The following SDK1 variants were observed in gnomAD, a reference collection of about 807,000 sequenced individuals.
The protein encoded by SDK1 is sidekick cell adhesion molecule 1, also known as protein sidekick-1.
SDK1 carries 157 observed loss-of-function variants against 245.5 expected under a neutral mutation model. The ratio of observed to expected loss-of-function variants is 0.64; its 90% CI spans 0.56 to 0.73. SDK1 has a LOEUF of 0.73. Among genes scored for constraint, SDK1 ranks in the 30% least tolerant of loss-of-function variants. The pLI, the probability that SDK1 is intolerant of heterozygous loss-of-function variation, is 0.00. For synonymous variants in SDK1, 1,647 were observed against 1,278.5 expected (o/e 1.29, Z -6.15); for missense variants, 3,583 against 3,002.3 (o/e 1.19, Z -4.52).
chr7:3,751,545 C>T (rs1779772062), intron 4 of SDK1, among the ~76,000 whole-genome samples: 1 of 152,148 alleles, frequency 6.6e-6, no homozygotes, highest in South Asian at 2.1e-4. Flanking sequence ...GCCTGGCCAT[C>T]CCGTCATTGC....
chr7:3,544,005 T>C (rs1416489639), intron 1 of SDK1, among the ~76,000 whole-genome samples: 1 of 152,246 alleles, frequency 6.6e-6, no homozygotes, highest in African/African-American at 2.4e-5. Flanking sequence ...ACTGCTCAAC[T>C]GAATTCCTTC....
chr7:3,787,610 T>A (rs780768698), intron 4 of SDK1, among the ~76,000 whole-genome samples: 2 of 152,214 alleles, frequency 1.3e-5, no homozygotes, highest in Admixed American at 6.5e-5. Flanking sequence ...AAATACGAAG[T>A]ATCATTCCTC....
intron 1 of SDK1, among the ~76,000 whole-genome samples, chr7:3,460,505 T>A (rs909356549): frequency 6.6e-6 from 1 of 152,212 alleles, no homozygotes; most frequent in South Asian, 2.1e-4. Context: ...AAATGTACTT[T>A]TAGAAGGGAA....
In SDK1 at chr7:4,266,557, T is replaced by A; in HGVS notation, c.*1173T>A. 1.0e-6 allele frequency: 1 copy of A among 955,426 alleles called. No homozygotes were observed. Among genetic ancestry groups the A allele is most frequent in the Non-Finnish European group, 1.2e-6 (1 of 819,462 alleles). The allele number at this position is 955,426 out of a possible 1,614,324, so 59.2% of individuals were successfully genotyped here. On this transcript the variant is annotated 3_prime_UTR_variant, in exon 45 of 45. Transcript: ENST00000404826. ...GAGGCCAGCTTTTAGCCTTAACAGGTTTTTTGGAAATGTTTCTTTTTTTTA... is the reference window on the plus strand; with the variant it reads ...GAGGCCAGCTTTTAGCCTTAACAGGATTTTTGGAAATGTTTCTTTTTTTTA...
intron 1 of SDK1, among the ~76,000 whole-genome samples, chr7:3,424,526 CTT>C (rs373708022): frequency 7.9e-5 from 12 of 152,266 alleles, no homozygotes; most frequent in Non-Finnish European, 1.0e-4. Flanking sequence ...AGATATGTCT[CTT>C]ATGAATCTTG....
rs778564851 is a variant in SDK1, at chr7:4,132,356, C to A, written c.4161C>A (p.Pro1387=). ...GCCCACCAGTGAGGCTCGTGTTCCCCGAAGTGAGACTCACCTCCGTGCGGA... is the reference window on the plus strand; with the variant it reads ...GCCCACCAGTGAGGCTCGTGTTCCCAGAAGTGAGACTCACCTCCGTGCGGA... The part of the protein sequence containing the change: ...APGPPVRLVF[P]EVRLTSVRIV... The change falls in exon 28 of 45, where the codon CCC becomes CCA. Residue 1387 remains proline (P), a synonymous_variant. Coordinates refer to ENST00000404826, the MANE Select transcript of SDK1 (RefSeq NM_152744.4). The A allele has an allele frequency of 6.2e-7, 1 of 1,612,678 alleles. No homozygotes were observed. Among genetic ancestry groups the A allele is most frequent in the Admixed American group, 1.7e-5 (1 of 59,992 alleles).
At chr7:3,831,172 C>G (rs1779903719) in intron 5 of SDK1, among the ~76,000 whole-genome samples, 1 of 152,130 alleles carries the variant, frequency 6.6e-6, no homozygotes, top group Non-Finnish European at 1.5e-5. Flanking sequence ...AAATCCTAAG[C>G]AAAGTGATGG....
intron 1 of SDK1, among the ~76,000 whole-genome samples, chr7:3,354,811 A>G (rs1780749542): frequency 6.6e-6 from 1 of 152,242 alleles, no homozygotes; most frequent in South Asian, 2.1e-4. Flanking sequence ...TGAATATCTC[A>G]AAATGAAAAC....
chr7:3,621,084 G>C (rs1562608649), intron 2 of SDK1, among the ~76,000 whole-genome samples: 1 of 152,102 alleles, frequency 6.6e-6, no homozygotes, highest in Non-Finnish European at 1.5e-5. Flanking sequence ...TTTGCAAAAT[G>C]GGAAAGATCC....
In SDK1 at chr7:3,633,667, G is replaced by A. The variant is rs551324677; in HGVS notation, c.459-5337G>A. On this transcript the variant is annotated intron_variant, in intron 2 of 44. Coordinates refer to ENST00000404826, the MANE Select transcript of SDK1 (RefSeq NM_152744.4). ...TTATTTAGGTTTTGCTATGACCGTG[G>A]TGAGCACCTAGTAACTTTAGAATAT... Among the ~76,000 whole-genome samples, 5 of 152,220 alleles carry A rather than the reference G, an allele frequency of 3.3e-5. No homozygotes were observed. In the East Asian group the frequency reaches 7.7e-4, roughly 23 times the overall value.
chr7:4,131,842 A>G (rs1237606990), intron 27 of SDK1, among the ~76,000 whole-genome samples: 2 of 100,586 alleles, frequency 2.0e-5, no homozygotes, highest in East Asian at 1.5e-3. Flanking sequence ...GATTGAGGAT[A>G]CACATGTTAT....
At chr7:3,657,915 T>C (rs1783239649) in intron 4 of SDK1, among the ~76,000 whole-genome samples, 1 of 151,960 alleles carries the variant, frequency 6.6e-6, no homozygotes, top group Admixed American at 6.6e-5. Flanking sequence ...AGGATGGAGG[T>C]TGGCATTTGA....
At chr7:4,045,169 T>C (rs1788929733) in intron 17 of SDK1, among the ~76,000 whole-genome samples, 1 of 152,156 alleles carries the variant, frequency 6.6e-6, no homozygotes, top group Admixed American at 6.5e-5. Flanking sequence ...TTCCCATCCA[T>C]TGGTTTAAAA....
At chr7:3,663,164 A>G (rs539068051) in intron 4 of SDK1, among the ~76,000 whole-genome samples, 4 of 152,222 alleles carry the variant, frequency 2.6e-5, no homozygotes. Context: ...TTGTTGAAAC[A>G]TCTGTTACAG....
chr7:3,306,645 T>A (rs1318960309), intron 1 of SDK1, among the ~76,000 whole-genome samples: 7 of 152,228 alleles, frequency 4.6e-5, no homozygotes, highest in Non-Finnish European at 1.0e-4. Context: ...CGTGGAAGGC[T>A]GCAAGTTAAG....
At chr7:3,312,013 T>C (rs1336057685) in intron 1 of SDK1, among the ~76,000 whole-genome samples, 1 of 152,144 alleles carries the variant, frequency 6.6e-6, no homozygotes, top group Non-Finnish European at 1.5e-5. Flanking sequence ...TGAAGGGCTT[T>C]TCCATCTGTG....
chr7:3,801,913 G>C (rs754723290), intron 4 of SDK1, among the ~76,000 whole-genome samples: 2 of 152,214 alleles, frequency 1.3e-5, no homozygotes, highest in Admixed American at 6.5e-5. Context: ...CTGCTGACCA[G>C]CTGGAGGATG....
chr7:3,365,001 A>T (rs1781051834), intron 1 of SDK1, among the ~76,000 whole-genome samples: 2 of 152,216 alleles, frequency 1.3e-5, no homozygotes, highest in Non-Finnish European at 2.9e-5. Flanking sequence ...TTTACACTTA[A>T]GAACTTAATT....
chr7:3,545,694 G>C (rs571731329), intron 1 of SDK1, among the ~76,000 whole-genome samples: 9 of 152,280 alleles, frequency 5.9e-5, no homozygotes, highest in African/African-American at 2.2e-4. Context: ...ATTTTACCAG[G>C]CCAGAGCTGG....
Sources: gnomAD v4.1 joint callset for allele counts (sites outside exome capture counted in the v4.1 genomes callset) on GRCh38, gnomAD v4.1.1 for gene constraint, MANE v1.5 for transcripts, NCBI Gene and HGNC (gene_info 2026-07-23, HGNC 2026-07-21) for gene names.